CES2: variants seen among roughly 807,000 people sequenced by gnomAD.
The protein encoded by CES2 is cocaine esterase.
In CES2, 42 loss-of-function variants were observed where a neutral mutation model predicts 52.1. The observed-to-expected ratio is 0.81, with a 90% CI of 0.63 to 1.04. CES2 has a LOEUF of 1.04. CES2 is among the 50% of genes least tolerant of loss of function. The pLI, the probability that CES2 is intolerant of heterozygous loss-of-function variation, is 0.00. For missense variants in CES2, 656 were observed against 724.3 expected, an observed-to-expected ratio of 0.91 and a Z score of 1.08; for synonymous variants, 277 against 289.6, an observed-to-expected ratio of 0.96 and a Z score of 0.44.
rs141601821 is a variant in CES2, at chr16:66,942,181, C to T, written c.1214C>T (p.Ala405Val). 2.1e-5 allele frequency: 34 copies of T among 1,613,758 alleles called. No homozygotes were observed. The highest frequency in any genetic ancestry group is 3.3e-5 in the Admixed American group (2 of 59,970). ...GDNGDPQTLQ[A>V]QFQEMMADSM... ...AATGGGGATCCCCAGACCCTCCAAGCGCAGTTCCAGGAGATGATGGCGGAC... is the reference window on the plus strand; with the variant it reads ...AATGGGGATCCCCAGACCCTCCAAGTGCAGTTCCAGGAGATGATGGCGGAC... Residue 405 changes from alanine (A) to valine (V), a missense_variant, in exon 9 of 12, where the codon GCG becomes GTG. Transcript: ENST00000317091.
chr16:66,940,382 C>G lies in CES2; in HGVS notation c.557+27C>G, dbSNP rs772649560. On this transcript the variant is annotated intron_variant, in intron 4 of 11. Coordinates refer to ENST00000317091, the MANE Select transcript of CES2 (RefSeq NM_001365405.1). ...TGAGACTAGGGCTGGGCTGGGCAAC[C>G]CGGGCTGAGCGGGGCCAGGACAGCC... 20 of 1,614,020 alleles carry G rather than the reference C, an allele frequency of 1.2e-5. No homozygotes were observed. The East Asian group carries it at 4.2e-4, about 34-fold the overall frequency.
chr16:66,942,627 C>G lies in CES2; in HGVS notation c.1283-21C>G, dbSNP rs753078700. Reference sequence around the variant, plus strand: ...TCTTCAGGGGGAGGGGCCACCGTGTCATGGGCTGTCCACCCCACAGGTTCC... The same window carrying G: ...TCTTCAGGGGGAGGGGCCACCGTGTGATGGGCTGTCCACCCCACAGGTTCC... On this transcript the variant is annotated intron_variant, in intron 9 of 11. Coordinates refer to ENST00000317091, the MANE Select transcript of CES2 (RefSeq NM_001365405.1). 2.5e-6 allele frequency: 4 copies of G among 1,613,776 alleles called. No individual in the cohort carries two copies. The East Asian group carries it at 8.9e-5, about 36-fold the overall frequency.
At chr16:66,938,707 C>T (rs1451755787) in intron 2 of CES2, among the ~76,000 whole-genome samples, 1 of 152,146 alleles carries the variant, frequency 6.6e-6, no homozygotes, top group East Asian at 1.9e-4. Context: ...GGACCAGGAG[C>T]CATTGGCCAA....
intron 3 of CES2, 63 bp downstream of exon 3, chr16:66,939,421 G>T (rs1384403590): frequency 1.3e-5 from 20 of 1,554,446 alleles, no homozygotes; most frequent in Non-Finnish European, 1.7e-5. Context: ...AAGCTGAAAA[G>T]GACAATATTA....
chr16:66,935,018 C>G (rs1272118629), upstream of CES2: 8 of 170,118 alleles, frequency 4.7e-5, no homozygotes, highest in Non-Finnish European at 7.5e-5. Context: ...GGGAGGGGAC[C>G]GCGGAGACCC....
intron 3 of CES2, among the ~76,000 whole-genome samples, chr16:66,939,957 G>T (rs1963314988): frequency 6.6e-6 from 1 of 152,208 alleles, no homozygotes; most frequent in Non-Finnish European, 1.5e-5. Context: ...GAGCCATCAG[G>T]GAGACACCCC....
Position 66,943,883 on chromosome 16 carries a change from A to G in CES2, c.1538A>G (p.Gln513Arg). The change falls in exon 12 of 12, where the codon CAG (glutamine) becomes CGG (arginine). Residue 513 changes from glutamine to arginine, a missense_variant. Physicochemically the swap from Gln to Arg is conservative, Grantham distance 43. Transcript: ENST00000317091. This position sits in a 1 kb window ranked among gnomAD's most constrained non-coding sequence, Gnocchi z 4.2. ...EGLPHWPLFD[Q>R]EEQYLQLNLQ... ...CTGCCACACTGGCCGCTGTTCGACCAGGAGGAGCAATACCTGCAGCTGAAC... is the reference window on the plus strand; with the variant it reads ...CTGCCACACTGGCCGCTGTTCGACCGGGAGGAGCAATACCTGCAGCTGAAC... The G allele has an allele frequency of 6.2e-7, 1 of 1,608,266 alleles. No homozygotes were observed. Among genetic ancestry groups the G allele is most frequent in the Middle Eastern group, 1.7e-4 (1 of 5,734 alleles).
In CES2 at chr16:66,944,020, C is replaced by A; in HGVS notation, c.1675C>A (p.Leu559Met). 1 of 1,492,072 alleles carries A rather than the reference C, an allele frequency of 6.7e-7. No homozygotes were observed. Among genetic ancestry groups the A allele is most frequent in the Non-Finnish European group, 9.1e-7 (1 of 1,101,040 alleles). 92.4% of individuals were successfully genotyped at this position (1,492,072 alleles called of 1,614,324 possible). ...LEEPEERHTE[L>M] is the part of the protein sequence containing the mutation. Reference sequence around the variant, plus strand: ...GGAGCCTGAAGAGAGACACACAGAGCTGTAGCTCCCTGTGCCGGGGAGGAG... The same window carrying A: ...GGAGCCTGAAGAGAGACACACAGAGATGTAGCTCCCTGTGCCGGGGAGGAG... Residue 559 changes from leucine to methionine, a missense_variant, in exon 12 of 12, where the codon CTG becomes ATG. Transcript: ENST00000317091.
chr16:66,942,143 G>T lies in CES2; in HGVS notation c.1176G>T (p.Glu392Asp). Residue 392 changes from glutamate to aspartate, a missense_variant, in exon 9 of 12, where the codon GAG becomes GAT. Glu to Asp is a conservative substitution (Grantham distance 45, BLOSUM62 2). Coordinates refer to ENST00000317091, the MANE Select transcript of CES2 (RefSeq NM_001365405.1). ...PPTFGDLLRE[E>D]YIGDNGDPQT... ...CATTTGGTGACCTGCTGAGGGAGGA[G>T]TACATTGGGGACAATGGGGATCCCC... 6.2e-7 allele frequency: 1 copy of T among 1,613,134 alleles called. No individual in the cohort carries two copies.
chr16:66,942,322 G>A, intron 9 of CES2, 73 bp downstream of exon 9: 1 of 1,488,518 alleles, frequency 6.7e-7, no homozygotes, highest in South Asian at 1.3e-5. Flanking sequence ...GAGACCTGCT[G>A]CTGTCCGGGT....
At chr16:66,938,341 C>G in intron 2 of CES2, 100 bp downstream of exon 2, 1 of 833,898 alleles carries the variant, frequency 1.2e-6, no homozygotes, top group South Asian at 1.5e-5. Context: ...TCTAAACCCC[C>G]ACAGCCAGTT....
chr16:66,943,385 C>A lies in CES2; in HGVS notation c.1493+14C>A, dbSNP rs773629968. 6.2e-7 allele frequency: 1 copy of A among 1,613,902 alleles called. No homozygotes were observed. On this transcript the variant is annotated intron_variant, in intron 11 of 11. Coordinates refer to ENST00000317091, the MANE Select transcript of CES2 (RefSeq NM_001365405.1). This position sits in a 1 kb window ranked among gnomAD's most constrained non-coding sequence, Gnocchi z 4.2. Reference sequence around the variant, plus strand: ...TGCGAGAAATGGGTGAGACAGCACACCCCTGCCTCAACCTCCCCGATTGGG... The same window carrying A: ...TGCGAGAAATGGGTGAGACAGCACAACCCTGCCTCAACCTCCCCGATTGGG...
chr16:66,939,143 G>C, intron 2 of CES2, 74 bp from the exon 3 acceptor site: 5 of 1,333,998 alleles, frequency 3.7e-6, no homozygotes, highest in Non-Finnish European at 5.4e-6. Flanking sequence ...GGGTGGCTGG[G>C]AGCACCTCTG....
At chr16:66,937,933 T>C in intron 1 of CES2, 104 bp from the exon 2 acceptor site, 1 of 883,906 alleles carries the variant, frequency 1.1e-6, no homozygotes, top group East Asian at 2.5e-5. Context: ...CAGATCAGAG[T>C]CCCTTGAGCT....
At position 66,943,879 on chromosome 16, in the gene CES2, G is replaced by A. The variant is rs140097117; in HGVS notation, c.1534G>A (p.Asp512Asn). ...GGGTCTGCCACACTGGCCGCTGTTCGACCAGGAGGAGCAATACCTGCAGCT... is the reference window on the plus strand; with the variant it reads ...GGGTCTGCCACACTGGCCGCTGTTCAACCAGGAGGAGCAATACCTGCAGCT... ...GEGLPHWPLF[D>N]QEEQYLQLNL... Residue 512 changes from aspartate (D) to asparagine (N), a missense_variant, in exon 12 of 12, where the codon GAC (aspartate) becomes AAC (asparagine). Coordinates refer to ENST00000317091, the MANE Select transcript of CES2 (RefSeq NM_001365405.1). The surrounding 1 kb of genome is among the most constrained non-coding windows in gnomAD (Gnocchi z 4.2). The A allele has an allele frequency of 1.5e-5, 24 of 1,606,752 alleles. No individual in the cohort carries two copies. In the Admixed American group the frequency reaches 2.0e-4, roughly 13 times the overall value.
At chr16:66,940,789 G>T in intron 5 of CES2, 94 bp downstream of exon 5, 1 of 1,449,046 alleles carries the variant, frequency 6.9e-7, no homozygotes, top group East Asian at 2.4e-5. Flanking sequence ...AAGGGCCATC[G>T]GGAGCATGCT....
chr16:66,941,634 G>T lies in CES2; in HGVS notation c.1044G>T (p.Trp348Cys), dbSNP rs778863399. The change falls in exon 7 of 12, where the codon TGG becomes TGT. Residue 348 changes from tryptophan (W) to cysteine (C), a missense_variant. Trp to Cys is a radical substitution (Grantham distance 215). Transcript: ENST00000317091. ...IVGVNNNEFGWLIPKVMRIYD... is the reference protein window; with the variant it reads ...IVGVNNNEFGCLIPKVMRIYD... ...GTGTCAACAACAATGAATTCGGCTG[G>T]CTCATCCCCAAGGTGAGCCCCAACC... 1.2e-6 allele frequency: 2 copies of T among 1,614,012 alleles called. No individual in the cohort carries two copies. Among genetic ancestry groups the T allele is most frequent in the Non-Finnish European group, 1.7e-6 (2 of 1,179,964 alleles).
In CES2 at chr16:66,941,161, C is replaced by G. The variant is rs756554216; in HGVS notation, c.854C>G (p.Ser285Cys). The G allele has an allele frequency of 6.2e-7, 1 of 1,614,054 alleles. No individual in the cohort carries two copies. The highest frequency in any genetic ancestry group is 8.5e-7 in the Non-Finnish European group (1 of 1,179,958). Residue 285 changes from serine (S) to cysteine (C), a missense_variant, in exon 6 of 12, where the codon TCT (serine) becomes TGT (cysteine). Physicochemically the swap from Ser to Cys is moderately radical, Grantham distance 112. Transcript: ENST00000317091. ...ANLSACDQVD[S>C]EALVGCLRGK... Reference sequence around the variant, plus strand: ...CTGTCTGCCTGTGACCAAGTTGACTCTGAGGCCCTGGTGGGCTGCCTGCGG... The same window carrying G: ...CTGTCTGCCTGTGACCAAGTTGACTGTGAGGCCCTGGTGGGCTGCCTGCGG...
Position 66,943,430 on chromosome 16 carries a change from G to A in CES2, c.1493+59G>A. Reference sequence around the variant, plus strand: ...ATTGGGGGACTTGTGCCCATCCAGTGCTCTCCTAGTCTGGGGTGACCTCAT... The same window carrying A: ...ATTGGGGGACTTGTGCCCATCCAGTACTCTCCTAGTCTGGGGTGACCTCAT... On this transcript the variant is annotated intron_variant, in intron 11 of 11. Coordinates refer to ENST00000317091, the MANE Select transcript of CES2 (RefSeq NM_001365405.1). This position sits in a 1 kb window ranked among gnomAD's most constrained non-coding sequence, Gnocchi z 4.2. 6.3e-7 allele frequency: 1 copy of A among 1,578,568 alleles called. No homozygotes were observed. The highest frequency in any genetic ancestry group is 8.7e-7 in the Non-Finnish European group (1 of 1,148,774).
Sources: gnomAD v4.1 joint callset for allele counts (sites outside exome capture counted in the v4.1 genomes callset) on GRCh38, gnomAD v4.1.1 for gene constraint, Gnocchi (gnomAD v3.1) non-coding constraint, MANE v1.5 for transcripts, NCBI Gene and HGNC (gene_info 2026-07-23, HGNC 2026-07-21) for gene names.